TNN: variants seen among roughly 807,000 people sequenced by gnomAD.
TNN encodes the protein tenascin N, also known as tenascin-N.
A neutral mutation model predicts 134.4 loss-of-function variants in TNN; 122 were observed. The ratio of observed to expected loss-of-function variants is 0.91; its 90% CI spans 0.78 to 1.06. TNN has a LOEUF of 1.06. TNN is among the 50% of genes least tolerant of loss of function. The probability of loss-of-function intolerance (pLI) is 0.00; values close to 1 mark genes in which losing one functional copy is unlikely to be tolerated. For missense variants in TNN, 1,739 were observed against 1,699.4 expected (o/e 1.02, Z -0.41); for synonymous variants, 710 against 670.3 (o/e 1.06, Z -0.91).
chr1:175,118,044 C>T (rs900966175), intron 10 of TNN, among the ~76,000 whole-genome samples: 3 of 152,204 alleles, frequency 2.0e-5, no homozygotes, highest in Admixed American at 1.3e-4. Flanking sequence ...GCATTTTCCA[C>T]GTGCCCTGCC....
Position 175,094,075 on chromosome 1 carries a change from A to G in TNN, c.1410A>G (p.Ile470Met). The G allele has an allele frequency of 3.1e-6, 5 of 1,614,230 alleles. No homozygotes were observed. The highest frequency in any genetic ancestry group is 4.2e-6 in the Non-Finnish European group (5 of 1,180,038). The change falls in exon 7 of 19, where the codon ATA (isoleucine) becomes ATG (methionine). Residue 470 changes from isoleucine to methionine, a missense_variant. Ile to Met is a conservative substitution (Grantham distance 10). Transcript: ENST00000239462. ...TVSWDPVQAV[I>M]DKYVVRYTSA... ...CCTGGGACCCAGTGCAGGCTGTCAT[A>G]GACAAGTATGTAGTGCGCTACACTT...
At chr1:175,130,759 C>A (rs768238965) in intron 15 of TNN, among the ~76,000 whole-genome samples, 15 of 152,146 alleles carry the variant, frequency 9.9e-5, no homozygotes, top group Middle Eastern at 3.2e-3. Flanking sequence ...TGAACCAAAC[C>A]AACAGAAATC....
rs1459207324 is a variant in TNN at position 175,097,669 on chromosome 1, C to G, written c.1841C>G (p.Thr614Ser). 1 of 1,613,976 alleles carries G rather than the reference C, an allele frequency of 6.2e-7. No individual in the cohort carries two copies. Among genetic ancestry groups the G allele is most frequent in the African/African-American group, 1.3e-5 (1 of 74,920 alleles). The change falls in exon 8 of 19, where the codon ACC becomes AGC. Residue 614 changes from threonine (T) to serine (S), a missense_variant. Transcript: ENST00000239462. ...GACCGAGAGAGCAAGAAGGCTGACA[C>G]CAACGCCCCGACAGGTAACAAAAGA... ...KGDRESKKAD[T>S]NAPTDIDSPK...
intron 9 of TNN, among the ~76,000 whole-genome samples, chr1:175,108,230 A>C (rs982407038): frequency 3.3e-5 from 5 of 151,954 alleles, no homozygotes; most frequent in Non-Finnish European, 7.4e-5. Context: ...AGCTAGACAT[A>C]AAGGTTCTCC....
rs3028580 is a variant in TNN, at chr1:175,145,552, C to CAAAAAAAAAAAA, written c.3759+1014_3759+1025dup. Among the ~76,000 whole-genome samples the CAAAAAAAAAAAA allele has an allele frequency of 6.4e-3, 184 of 28,904 alleles. 49 individuals are homozygous for CAAAAAAAAAAAA. Among genetic ancestry groups the CAAAAAAAAAAAA allele is most frequent in the African/African-American group, 0.015 (101 of 6,872 alleles). The allele number at this position is 28,904 out of a possible 152,430, so 19.0% of individuals were successfully genotyped here. ...TGGGTGGCAGAGCAAGACCCTGTCT[C>CAAAAAAAAAAAA]AAAAAAAAAAAAAAAAAAAAAAAGC... On this transcript the variant is annotated intron_variant, in intron 18 of 18. Transcript: ENST00000239462.
chr1:175,074,464 G>A (rs1393795160), intron 1 of TNN, among the ~76,000 whole-genome samples: 1 of 136,614 alleles, frequency 7.3e-6, no homozygotes. Flanking sequence ...CAGCCTGGGC[G>A]ACAGAATGGG....
intron 12 of TNN, 104 bp from the exon 13 acceptor site, chr1:175,126,851 A>G (rs1675541048): frequency 7.7e-7 from 1 of 1,295,724 alleles, no homozygotes. Context: ...GAAGGAGGAG[A>G]AATGGGAGGG....
At chr1:175,128,864 A>G in intron 15 of TNN, 118 bp downstream of exon 15, 3 of 1,176,302 alleles carry the variant, frequency 2.6e-6, no homozygotes, top group Non-Finnish European at 2.2e-6. Flanking sequence ...CCCATGGAAG[A>G]GAGGAGTTTT....
At chr1:175,145,143 C>A (rs1676032159) in intron 18 of TNN, among the ~76,000 whole-genome samples, 1 of 152,112 alleles carries the variant, frequency 6.6e-6, no homozygotes, top group African/African-American at 2.4e-5. Context: ...CCTCTACATA[C>A]CATCATGTTG....
intron 17 of TNN, among the ~76,000 whole-genome samples, chr1:175,142,210 G>C (rs539610674): frequency 6.6e-6 from 1 of 152,344 alleles, no homozygotes; most frequent in South Asian, 2.1e-4. Context: ...CCTGTCTGCT[G>C]TGTTTGCGTG....
intron 17 of TNN, among the ~76,000 whole-genome samples, chr1:175,140,056 G>T (rs748428566): frequency 6.6e-6 from 1 of 152,224 alleles, no homozygotes; most frequent in Non-Finnish European, 1.5e-5. Context: ...ATGCTATTTT[G>T]TGTGACTAAG....
At chr1:175,133,068 G>GAA (rs535588372) in intron 15 of TNN, among the ~76,000 whole-genome samples, 148 of 152,346 alleles carry the variant, frequency 9.7e-4, no homozygotes, top group Non-Finnish European at 1.9e-3. Flanking sequence ...GGCAGAGAGA[G>GAA]AAATGCAATT....
At position 175,118,521 on chromosome 1, in the gene TNN, C is replaced by T. The variant is rs1294781480; in HGVS notation, c.2387-40C>T. ...GACCACCAGTTTCTGCACTCTGGCA[C>T]CTGTTCATAGTGCATATTGGTCAGC... On this transcript the variant is annotated intron_variant, in intron 10 of 18. Transcript: ENST00000239462. 3.1e-6 allele frequency: 5 copies of T among 1,608,832 alleles called. No individual in the cohort carries two copies. The East Asian group carries it at 8.9e-5, about 29-fold the overall frequency.
chr1:175,097,781 A>G (rs1468791254), intron 8 of TNN, 98 bp downstream of exon 8: 17 of 1,491,566 alleles, frequency 1.1e-5, no homozygotes, highest in Non-Finnish European at 1.5e-5. Flanking sequence ...AAGACTTTGC[A>G]ATTAGAAGTC....
intron 15 of TNN, among the ~76,000 whole-genome samples, chr1:175,134,945 A>T (rs74126912): frequency 0.011 from 1,635 of 152,246 alleles, 35 homozygotes; most frequent in African/African-American, 0.038. Context: ...CAGCGCTCTT[A>T]CCTGGACCAA....
intron 9 of TNN, among the ~76,000 whole-genome samples, chr1:175,105,641 G>A (rs147562990): frequency 0.042 from 6,064 of 145,516 alleles, 725 homozygotes; most frequent in Middle Eastern, 0.12. Flanking sequence ...GCTTCCCTCA[G>A]GTGGCCATTT....
chr1:175,127,138 A>G (rs1675550529), intron 13 of TNN, 53 bp downstream of exon 13: 2 of 1,589,526 alleles, frequency 1.3e-6, no homozygotes, highest in East Asian at 2.2e-5. Flanking sequence ...GTGTGAAGCA[A>G]CTAACTTGGG....
rs61740198 is a variant in TNN, at chr1:175,128,686, C to T, written c.3270C>T (p.Gly1090=). ...GTCTGTACACCATCTACCTGCATGG[C>T]GATGCCAGCCGGCCCCTGCAGGTGT... ...ASGLYTIYLH[G]DASRPLQVYC... Residue 1090 remains glycine (G), a synonymous_variant, in exon 15 of 19, where the codon GGC becomes GGT. Coordinates refer to ENST00000239462, the MANE Select transcript of TNN (RefSeq NM_022093.2). The T allele has an allele frequency of 1.8e-3, 2,857 of 1,613,924 alleles. 54 individuals are homozygous for T. The African/African-American group carries it at 0.034, about 19-fold the overall frequency.
rs929936976 is a variant in TNN, at chr1:175,085,300, A to G, written c.1235-105A>G. 9.7e-6 allele frequency: 7 copies of G among 725,272 alleles called. No individual in the cohort carries two copies. In the African/African-American group the frequency reaches 1.0e-4, roughly 11 times the overall value. The allele number at this position is 725,272 out of a possible 1,614,324, so 44.9% of individuals were successfully genotyped here. A position where few individuals can be genotyped will look rare whatever the true frequency, so the allele number is the denominator to read the frequency against. On this transcript the variant is annotated intron_variant, in intron 5 of 18. Transcript: ENST00000239462. ...CAGATTCATCTTTGGAGGAGGAAGC[A>G]TCACCTCTCATCTTCCCTCACGGGA...
Sources: allele counts gnomAD v4.1 joint callset (sites outside exome capture counted in the v4.1 genomes callset), GRCh38; gene constraint gnomAD v4.1.1; transcripts MANE v1.5; gene names NCBI Gene and HGNC (gene_info 2026-07-23, HGNC 2026-07-21).